DCDC1: variants seen among roughly 807,000 people sequenced by gnomAD.
DCDC1 encodes doublecortin domain containing 1, also known as doublecortin domain-containing protein 1.
In DCDC1, 200 loss-of-function variants were observed where a neutral mutation model predicts 178.3. The observed-to-expected ratio is 1.12, with a 90% CI of 1.00 to 1.26. The LOEUF is 1.26. Ranked by LOEUF, DCDC1 falls within the 50% of genes most tolerant of loss-of-function variation. The pLI is 0.00. For missense variants in DCDC1, 1,983 were observed against 1,749.2 expected (o/e 1.13, Z -2.38); for synonymous variants, 690 against 604.8 (o/e 1.14, Z -2.07).
chr11:31,047,152 GT>G (rs1435444914), intron 20 of DCDC1, among the ~76,000 whole-genome samples: 1 of 151,940 alleles, frequency 6.6e-6, no homozygotes, highest in African/African-American at 2.4e-5. Context: ...GTTTCTATCT[GT>G]TGTTCATTGT....
At chr11:31,108,335 T>C (rs1482666000) in intron 12 of DCDC1, among the ~76,000 whole-genome samples, 3 of 152,208 alleles carry the variant, frequency 2.0e-5, no homozygotes, top group Admixed American at 6.5e-5. Flanking sequence ...GGTGTTAGAA[T>C]AGTAAAAATC....
At chr11:30,868,343 C>T (rs1193044850) in intron 38 of DCDC1, among the ~76,000 whole-genome samples, 2 of 145,342 alleles carry the variant, frequency 1.4e-5, no homozygotes, top group African/African-American at 2.6e-5. Flanking sequence ...CTCCGCCTCC[C>T]GGGTTCCAGA....
At chr11:31,212,914 TAA>T (rs1167352670) in intron 9 of DCDC1, among the ~76,000 whole-genome samples, 2 of 152,148 alleles carry the variant, frequency 1.3e-5, no homozygotes, top group African/African-American at 2.4e-5. Flanking sequence ...TAGCTATATA[TAA>T]CTGTTATGTA....
intron 9 of DCDC1, among the ~76,000 whole-genome samples, chr11:31,165,499 C>T (rs1447584162): frequency 6.6e-6 from 1 of 152,088 alleles, no homozygotes; most frequent in Non-Finnish European, 1.5e-5. Flanking sequence ...TTTGTAGAGA[C>T]AGGGTCTCAC....
intron 3 of DCDC1, among the ~76,000 whole-genome samples, chr11:31,323,347 C>T (rs2137802861): frequency 6.6e-6 from 1 of 152,296 alleles, no homozygotes; most frequent in South Asian, 2.1e-4. Flanking sequence ...GCTGTCGCTT[C>T]ATATTCGTGT....
At chr11:31,365,279 G>C (rs951135605) in intron 1 of DCDC1, among the ~76,000 whole-genome samples, 1 of 152,092 alleles carries the variant, frequency 6.6e-6, no homozygotes, top group African/African-American at 2.4e-5. Flanking sequence ...CTAGTTTTTG[G>C]TGGTTTTTCT....
intron 20 of DCDC1, among the ~76,000 whole-genome samples, chr11:30,978,828 C>CACACACACACACACACA (rs1565147912): frequency 8.7e-5 from 11 of 127,156 alleles, no homozygotes; most frequent in African/African-American, 3.0e-4. Context: ...ACACACACAC[C>CACACACACACACACACA]CCCTTCTCAG....
chr11:31,053,698 T>C (rs954929006), intron 20 of DCDC1, among the ~76,000 whole-genome samples: 1 of 152,098 alleles, frequency 6.6e-6, no homozygotes, highest in African/African-American at 2.4e-5. Flanking sequence ...ATACACCACA[T>C]AAACAGAATT....
chr11:31,118,707 C>T (rs1278447646), intron 11 of DCDC1, among the ~76,000 whole-genome samples: 1 of 152,114 alleles, frequency 6.6e-6, no homozygotes, highest in African/African-American at 2.4e-5. Context: ...GCATTTAGTC[C>T]GAATAACTGC....
chr11:30,946,174 G>A (rs936979142), intron 21 of DCDC1, among the ~76,000 whole-genome samples: 3 of 152,154 alleles, frequency 2.0e-5, no homozygotes, highest in Non-Finnish European at 2.9e-5. Flanking sequence ...AGGCCTCTAA[G>A]GATATTCCTC....
chr11:31,354,612 T>A (rs1005846061), intron 1 of DCDC1, among the ~76,000 whole-genome samples: 1 of 152,224 alleles, frequency 6.6e-6, no homozygotes, highest in Non-Finnish European at 1.5e-5. Flanking sequence ...TATGATAGAA[T>A]GACAGGTCAT....
At chr11:31,160,811 G>A (rs1445026593) in intron 9 of DCDC1, among the ~76,000 whole-genome samples, 1 of 152,140 alleles carries the variant, frequency 6.6e-6, no homozygotes, top group Non-Finnish European at 1.5e-5. Flanking sequence ...GCACTGTTTA[G>A]AACACCATTT....
chr11:31,274,556 C>A (rs746604106), intron 7 of DCDC1, among the ~76,000 whole-genome samples: 14 of 151,732 alleles, frequency 9.2e-5, no homozygotes, highest in Admixed American at 4.6e-4. Context: ...TGAAAAGGCT[C>A]CATGGCAGAG....
intron 21 of DCDC1, chr11:30,944,347 A>G: frequency 2.2e-6 from 1 of 456,676 alleles, no homozygotes; most frequent in South Asian, 1.5e-5. Flanking sequence ...TTGCCTAAAT[A>G]TGTAAGACAT....
At chr11:31,242,094 C>T (rs1469838463) in intron 8 of DCDC1, among the ~76,000 whole-genome samples, 1 of 151,910 alleles carries the variant, frequency 6.6e-6, no homozygotes, top group African/African-American at 2.4e-5. Context: ...CATCCTATTT[C>T]ATGATTTTTG....
chr11:30,968,336 A>G (rs1028762329), intron 20 of DCDC1, among the ~76,000 whole-genome samples: 5 of 152,122 alleles, frequency 3.3e-5, no homozygotes, highest in Admixed American at 6.6e-5. Flanking sequence ...TATTTACTCA[A>G]TGAATGAATA....
chr11:31,173,686 A>T (rs1967556855), intron 9 of DCDC1, among the ~76,000 whole-genome samples: 1 of 151,954 alleles, frequency 6.6e-6, no homozygotes, highest in Non-Finnish European at 1.5e-5. Flanking sequence ...CAAAATATGA[A>T]ATTACTACAA....
At position 31,291,573 on chromosome 11, in the gene DCDC1, A is replaced by G. The variant is rs371544123; in HGVS notation, c.755-721T>C. ...AAGGGTAAGAAGAGGAGTGCAGTAT[A>G]TTGCATACTAAGTTGCCATCAGCAT... On this transcript the variant is annotated intron_variant, in intron 6 of 38. Coordinates refer to ENST00000684477, the MANE Select transcript of DCDC1 (RefSeq NM_001387274.1). Among the ~76,000 whole-genome samples the G allele has an allele frequency of 7.5e-4, 114 of 152,198 alleles. 2 individuals carry two copies. Among genetic ancestry groups the G allele is most frequent in the African/African-American group, 1.9e-4 (8 of 41,570 alleles).
intron 20 of DCDC1, among the ~76,000 whole-genome samples, chr11:31,008,657 A>G (rs1951994634): frequency 6.6e-6 from 1 of 152,210 alleles, no homozygotes; most frequent in Non-Finnish European, 1.5e-5. Flanking sequence ...AAACATTAAA[A>G]CAAACTACCT....
Sources: allele counts gnomAD v4.1 joint callset (sites outside exome capture counted in the v4.1 genomes callset), GRCh38; gene constraint gnomAD v4.1.1; transcripts MANE v1.5; gene names NCBI Gene and HGNC (gene_info 2026-07-23, HGNC 2026-07-21).